The following USF1 variants were observed in gnomAD, a reference collection of about 807,000 sequenced individuals.
USF1 encodes the protein upstream stimulatory factor 1.
USF1 carries 22 observed loss-of-function variants against 46.3 expected under a neutral mutation model. That is an observed-to-expected ratio of 0.47 (90% CI 0.34 to 0.68). The LOEUF is 0.68. Ranked by LOEUF, USF1 falls within the 30% of genes least tolerant of loss-of-function variation. The pLI, the probability that USF1 is intolerant of heterozygous loss-of-function variation, is 0.01. For synonymous variants in USF1, 150 were observed against 147.0 expected (o/e 1.02, Z -0.15); for missense variants, 287 against 399.3 (o/e 0.72, Z 2.40).
Position 161,042,835 on chromosome 1 carries a change from T to C in USF1, c.56A>G (p.Glu19Gly). The change falls in exon 3 of 11, where the codon GAA (glutamate) becomes GGA (glycine). Residue 19 changes from glutamate to glycine, a missense_variant and splice_region_variant. Physicochemically the swap from Glu to Gly is moderately conservative, Grantham distance 98. Transcript: ENST00000368021. ...TTGGTTCTGTTTCTAGCACTCACCTTCCTGAATCTGCACTGTCCCCTCTTC... is the reference window on the plus strand; with the variant it reads ...TTGGTTCTGTTTCTAGCACTCACCTCCCTGAATCTGCACTGTCCCCTCTTC... ...ETEEGTVQIQ[E>G]GAVATGEDPT... The C allele has an allele frequency of 6.2e-7, 1 of 1,614,202 alleles. No homozygotes were observed. The highest frequency in any genetic ancestry group is 8.5e-7 in the Non-Finnish European group (1 of 1,180,034).
At position 161,041,371 on chromosome 1, in the gene USF1, C is replaced by T. The variant is rs752361298; in HGVS notation, c.513G>A (p.Gln171=). The change falls in exon 7 of 11, where the codon CAG becomes CAA. Residue 171 remains glutamine (Q), a synonymous_variant. Transcript: ENST00000368021. ...FVMMSPQEVL[Q]GGSQRSIAPR... ...GGGCAATTGAGCGCTGGCTTCCTCCCTGCAGTACTTCTTGTGGTGACATCA... is the reference window on the plus strand; with the variant it reads ...GGGCAATTGAGCGCTGGCTTCCTCCTTGCAGTACTTCTTGTGGTGACATCA... The T allele has an allele frequency of 1.2e-6, 2 of 1,613,862 alleles. No individual in the cohort carries two copies. Among genetic ancestry groups the T allele is most frequent in the Non-Finnish European group, 1.7e-6 (2 of 1,179,970 alleles).
chr1:161,044,688 T>TA lies in USF1; in HGVS notation c.-86+1169dup, dbSNP rs34352397. 4.0e-3 allele frequency among the ~76,000 whole-genome samples: 565 copies of TA among 141,898 alleles called. 3 individuals carry two copies. The highest frequency in any genetic ancestry group is 0.01 in the African/African-American group (373 of 37,290). 93.1% of individuals were successfully genotyped at this position (141,898 alleles called of 152,430 possible). A position where few individuals can be genotyped will look rare whatever the true frequency, so the allele number is the denominator to read the frequency against. On this transcript the variant is annotated intron_variant, in intron 1 of 10. Coordinates refer to ENST00000368021, the MANE Select transcript of USF1 (RefSeq NM_007122.5). ...TCAACTAAGCCTGAGCAAGAAGGGG[T>TA]AAAAAAAAAAAAAACAGGGTTCTGA...
At chr1:161,042,432 T>G in intron 4 of USF1, 123 bp downstream of exon 4, 2 of 1,145,142 alleles carry the variant, frequency 1.7e-6, no homozygotes, top group South Asian at 1.4e-5. Context: ...AGCACCTCCC[T>G]CCCCTGCAAC....
intron 7 of USF1, 86 bp downstream of exon 7, chr1:161,041,238 G>A (rs538989554): frequency 4.9e-6 from 6 of 1,224,144 alleles, no homozygotes; most frequent in African/African-American, 4.7e-5. Flanking sequence ...CTCCAGCCTG[G>A]GTGACAGAGC....
Position 161,039,854 on chromosome 1 carries a change from C to A in USF1, c.*66G>T, listed in dbSNP as rs948497861. 3 of 1,544,828 alleles carry A rather than the reference C, an allele frequency of 1.9e-6. No individual in the cohort carries two copies. Among genetic ancestry groups the A allele is most frequent in the African/African-American group, 2.7e-5 (2 of 73,330 alleles). ...AGTGGGGCAGTGAAGGAAAGGGGCA[C>A]GGGATTAGGCTGTTGCTCCTGGGCT... is the stretch of plus-strand genomic sequence containing the variant. On this transcript the variant is annotated 3_prime_UTR_variant, in exon 11 of 11. Coordinates refer to ENST00000368021, the MANE Select transcript of USF1 (RefSeq NM_007122.5).
rs1032502070 is a variant in USF1 at position 161,040,478 on chromosome 1, G to C, written c.714+98C>G. On this transcript the variant is annotated intron_variant, in intron 9 of 10. Coordinates refer to ENST00000368021, the MANE Select transcript of USF1 (RefSeq NM_007122.5). The surrounding 1 kb of genome is among the most constrained non-coding windows in gnomAD (Gnocchi z 4.0). ...ATACAGGAACCTCAGGGAGAGATAAGACTACTGTCATGTGTGCCCCTCTCT... is the reference window on the plus strand; with the variant it reads ...ATACAGGAACCTCAGGGAGAGATAACACTACTGTCATGTGTGCCCCTCTCT... 2.8e-5 allele frequency: 43 copies of C among 1,556,490 alleles called. No homozygotes were observed. In the African/African-American group the frequency reaches 5.7e-4, roughly 21 times the overall value.
At position 161,041,735 on chromosome 1, in the gene USF1, C is replaced by A. The variant is rs749048500; in HGVS notation, c.388G>T (p.Gly130Cys). 1 of 1,614,092 alleles carries A rather than the reference C, an allele frequency of 6.2e-7. No homozygotes were observed. Among genetic ancestry groups the A allele is most frequent in the Admixed American group, 1.7e-5 (1 of 60,006 alleles). Residue 130 changes from glycine (G) to cysteine (C), a missense_variant, in exon 6 of 11, where the codon GGT (glycine) becomes TGT (cysteine). Coordinates refer to ENST00000368021, the MANE Select transcript of USF1 (RefSeq NM_007122.5). ...PSTAVGDGAG[G>C]TTSGSTAAVV... ...GCAGCTGTACTCCCCGATGTGGTAC[C>A]CCCTGCCCCATCTCCCACTGCCGTG...
chr1:161,041,426 G>C lies in USF1; in HGVS notation c.473-15C>G, dbSNP rs2102012735. 6.2e-7 allele frequency: 1 copy of C among 1,612,266 alleles called. No individual in the cohort carries two copies. The highest frequency in any genetic ancestry group is 1.3e-5 in the African/African-American group (1 of 74,928). On this transcript the variant is annotated splice_polypyrimidine_tract_variant and intron_variant, in intron 6 of 10. Transcript: ENST00000368021. ...AAAGAATTGACCTGTGAAGATGCAG[G>C]GTAGGTTCTGTCAGGACATGGGTAG...
rs748404757 is a variant in USF1, at chr1:161,039,272, T to TAAAAAAAAAAAAAAAA, written c.*632_*647dup. 6.8e-5 allele frequency: 4 copies of TAAAAAAAAAAAAAAAA among 59,212 alleles called. No homozygotes were observed. The highest frequency in any genetic ancestry group is 1.1e-4 in the Non-Finnish European group (4 of 34,836). 3.7% of individuals were successfully genotyped at this position (59,212 alleles called of 1,614,324 possible). ...ACTGTGGCTTTGAACAATTTTATCT[T>TAAAAAAAAAAAAAAAA]AAAAAAAAAAAAAAAAAAAAAAAAA... On this transcript the variant is annotated 3_prime_UTR_variant, in exon 11 of 11. Transcript: ENST00000368021.
In USF1 at chr1:161,039,922, A is replaced by G; in HGVS notation, c.931T>C (p.Ter311GlnextTer14). 6.2e-7 allele frequency: 1 copy of G among 1,614,134 alleles called. No homozygotes were observed. The highest frequency in any genetic ancestry group is 8.5e-7 in the Non-Finnish European group (1 of 1,180,010). Residue 311 changes from the stop codon to glutamine (Q), a stop_lost, in exon 11 of 11, where the codon TAA becomes CAA. Coordinates refer to ENST00000368021, the MANE Select transcript of USF1 (RefSeq NM_007122.5). ...LEVVIKNDSN* is the reference protein window; with the variant it reads ...LEVVIKNDSNQ ...CCAAAGCCCCTGAATCCCCATAGTT[A>G]GTTGCTGTCATTCTTGATGACGACC...
chr1:161,042,312 G>T (rs572849210), intron 4 of USF1, 95 bp from the exon 5 acceptor site: 3 of 1,316,960 alleles, frequency 2.3e-6, no homozygotes, highest in East Asian at 4.9e-5. Context: ...CCTTGGATAG[G>T]GCCCCAAAAC....
At chr1:161,043,232 A>G in intron 2 of USF1, 36 bp downstream of exon 2, 1 of 1,614,096 alleles carries the variant, frequency 6.2e-7, no homozygotes, top group Non-Finnish European at 8.5e-7. Flanking sequence ...CAGGCCACCC[A>G]TCTTTCATCC....
At chr1:161,043,583 G>A (rs1650666600) in intron 1 of USF1, among the ~76,000 whole-genome samples, 1 of 151,788 alleles carries the variant, frequency 6.6e-6, no homozygotes, top group Admixed American at 6.6e-5. Context: ...AACTCCTGGT[G>A]GAGAGTGGAT....
In USF1 at chr1:161,040,970, C is replaced by A; in HGVS notation, c.561-98G>T. 1 of 1,502,254 alleles carries A rather than the reference C, an allele frequency of 6.7e-7. No individual in the cohort carries two copies. The highest frequency in any genetic ancestry group is 9.1e-7 in the Non-Finnish European group (1 of 1,098,076). 93.1% of individuals were successfully genotyped at this position (1,502,254 alleles called of 1,614,324 possible). On this transcript the variant is annotated intron_variant, in intron 7 of 10. Transcript: ENST00000368021. The surrounding 1 kb of genome is among the most constrained non-coding windows in gnomAD (Gnocchi z 4.0). ...TACAAGATTTAGCAGGTATTAGGACCACTTATGGTAGCTAGGTGTGGTGTC... is the reference window on the plus strand; with the variant it reads ...TACAAGATTTAGCAGGTATTAGGACAACTTATGGTAGCTAGGTGTGGTGTC...
At chr1:161,044,363 T>TTTTTG (rs1314443696) in intron 1 of USF1, among the ~76,000 whole-genome samples, 1 of 152,234 alleles carries the variant, frequency 6.6e-6, no homozygotes, top group Non-Finnish European at 1.5e-5. Flanking sequence ...TCATGGACAC[T>TTTTTG]GATGCTTCTT....
intron 2 of USF1, 23 bp downstream of exon 2, chr1:161,043,245 G>C (rs778168782): frequency 3.1e-6 from 5 of 1,614,094 alleles, no homozygotes; most frequent in South Asian, 1.1e-5. Context: ...TTTCATCCCA[G>C]ACCCTACCTC....
At position 161,039,857 on chromosome 1, in the gene USF1, G is replaced by T; in HGVS notation, c.*63C>A. 6.4e-7 allele frequency: 1 copy of T among 1,561,510 alleles called. No homozygotes were observed. ...GGGGCAGTGAAGGAAAGGGGCACGGGATTAGGCTGTTGCTCCTGGGCTATC... is the reference window on the plus strand; with the variant it reads ...GGGGCAGTGAAGGAAAGGGGCACGGTATTAGGCTGTTGCTCCTGGGCTATC... On this transcript the variant is annotated 3_prime_UTR_variant, in exon 11 of 11. Coordinates refer to ENST00000368021, the MANE Select transcript of USF1 (RefSeq NM_007122.5).
intron 1 of USF1, among the ~76,000 whole-genome samples, chr1:161,043,967 A>G (rs1412660580): frequency 7.0e-4 from 88 of 125,582 alleles, no homozygotes; most frequent in African/African-American, 2.6e-3. Flanking sequence ...TTTTTCTGAG[A>G]CAGAATCTTG....
intron 2 of USF1, 135 bp downstream of exon 2, chr1:161,043,133 A>C: frequency 6.6e-7 from 1 of 1,508,964 alleles, no homozygotes; most frequent in South Asian, 1.2e-5. Context: ...AGATAGAGAA[A>C]CCAAATCACA....
Sources: allele counts gnomAD v4.1 joint callset (sites outside exome capture counted in the v4.1 genomes callset), GRCh38; gene constraint gnomAD v4.1.1; non-coding constraint Gnocchi (gnomAD v3.1); transcripts MANE v1.5; gene names NCBI Gene and HGNC (gene_info 2026-07-23, HGNC 2026-07-21).